FRAS1: variants seen among roughly 807,000 people sequenced by gnomAD.
The protein encoded by FRAS1 is extracellular matrix organizing protein FRAS1.
In FRAS1, 290 loss-of-function variants were observed where a neutral mutation model predicts 435.2. That is an observed-to-expected ratio of 0.67 (90% CI 0.61 to 0.73). The LOEUF (loss-of-function observed/expected upper bound fraction) is 0.73, where lower values mean the gene tolerates loss of function less well. FRAS1 is among the 30% of genes least tolerant of loss of function. FRAS1 has a pLI of 0.00. For missense variants in FRAS1, 4,860 were observed against 5,001.5 expected (o/e 0.97, Z 0.85); for synonymous variants, 1,800 against 1,851.0 (o/e 0.97, Z 0.71).
intron 29 of FRAS1, among the ~76,000 whole-genome samples, chr4:78,388,727 T>C (rs910268721): frequency 2.6e-5 from 4 of 151,902 alleles, no homozygotes; most frequent in African/African-American, 9.7e-5. Context: ...AGGATCACTT[T>C]AACCCAGAAG....
At chr4:78,465,758 T>C (rs1374879684) in intron 49 of FRAS1, among the ~76,000 whole-genome samples, 1 of 152,214 alleles carries the variant, frequency 6.6e-6, no homozygotes, top group Non-Finnish European at 1.5e-5. Context: ...TTGGAAAGCC[T>C]TGGGAAGGAT....
At chr4:78,275,237 C>T (rs917125253) in intron 9 of FRAS1, among the ~76,000 whole-genome samples, 29 of 152,304 alleles carry the variant, frequency 1.9e-4, no homozygotes, top group South Asian at 1.7e-3. Context: ...CTCCTGAATA[C>T]AGCACACTGA....
chr4:78,218,787 G>C (rs572872367), intron 2 of FRAS1, among the ~76,000 whole-genome samples: 1 of 152,310 alleles, frequency 6.6e-6, no homozygotes, highest in East Asian at 1.9e-4. Context: ...ATTTGTTTGG[G>C]AGATTAGTGA....
Position 78,252,567 on chromosome 4 carries a change from T to C in FRAS1, c.469+16T>C, listed in dbSNP as rs1560604950. The C allele has an allele frequency of 6.2e-7, 1 of 1,606,852 alleles. No individual in the cohort carries two copies. The highest frequency in any genetic ancestry group is 8.5e-7 in the Non-Finnish European group (1 of 1,176,904). On this transcript the variant is annotated intron_variant, in intron 5 of 73. Coordinates refer to ENST00000512123, the MANE Select transcript of FRAS1 (RefSeq NM_025074.7). The stretch of plus-strand genomic sequence containing the variant: ...GGCCTTGGGAGTGAGTATGAGCTTG[T>C]AGAAGGGGACCCTCTTTGCTTGGGA...
intron 9 of FRAS1, among the ~76,000 whole-genome samples, chr4:78,276,701 C>T (rs554162304): frequency 7.2e-5 from 11 of 152,314 alleles, no homozygotes; most frequent in African/African-American, 9.6e-5. Flanking sequence ...GGCACCCGGC[C>T]GTGTGAGGTG....
chr4:78,475,705 C>T (rs1244517390), intron 54 of FRAS1, 99 bp downstream of exon 54: 1 of 1,120,948 alleles, frequency 8.9e-7, no homozygotes, highest in Non-Finnish European at 1.2e-6. Flanking sequence ...CTTTGCTTTT[C>T]ACTGGTGTCC....
At chr4:78,304,608 C>T (rs1041220518) in intron 14 of FRAS1, among the ~76,000 whole-genome samples, 2 of 151,598 alleles carry the variant, frequency 1.3e-5, no homozygotes, top group African/African-American at 2.4e-5. Context: ...GTGTATGTGT[C>T]GAGGAATTTA....
intron 18 of FRAS1, chr4:78,319,522 T>C: frequency 2.4e-6 from 1 of 416,734 alleles, no homozygotes; most frequent in East Asian, 7.2e-5. Context: ...ATAGTTTCCT[T>C]TCTGTTCCCA....
chr4:78,262,505 T>G (rs914508302), intron 6 of FRAS1, among the ~76,000 whole-genome samples: 4 of 152,144 alleles, frequency 2.6e-5, no homozygotes, highest in African/African-American at 9.7e-5. Flanking sequence ...TTATTTTTAT[T>G]TAGGCTTGCA....
chr4:78,340,266 A>G (rs1004274538), intron 20 of FRAS1, among the ~76,000 whole-genome samples: 2 of 152,198 alleles, frequency 1.3e-5, no homozygotes, highest in Admixed American at 1.3e-4. Context: ...CCTGGGAATT[A>G]GGTGTATTAA....
chr4:78,286,201 G>A, intron 13 of FRAS1: 1 of 694,182 alleles, frequency 1.4e-6, no homozygotes, highest in Admixed American at 2.0e-5. Flanking sequence ...AGAATTAAAT[G>A]AATTCATATA....
intron 40 of FRAS1, among the ~76,000 whole-genome samples, chr4:78,440,017 CTTTTTTT>C (rs1163344254): frequency 4.3e-5 from 4 of 93,024 alleles, no homozygotes; most frequent in East Asian, 6.4e-4. Flanking sequence ...TAAGTCATTT[CTTTTTTT>C]TTTTTTTTTT....
chr4:78,206,555 ATAT>A (rs1214407359), intron 2 of FRAS1, among the ~76,000 whole-genome samples: 2 of 152,202 alleles, frequency 1.3e-5, no homozygotes, highest in African/African-American at 4.8e-5. Flanking sequence ...TGTTTTTATA[ATAT>A]TGTTGTTATA....
intron 4 of FRAS1, among the ~76,000 whole-genome samples, chr4:78,245,687 C>A (rs554472470): frequency 6.6e-6 from 1 of 152,174 alleles, no homozygotes; most frequent in Admixed American, 6.5e-5. Flanking sequence ...ATGTTAAATA[C>A]GAAAAAATTT....
chr4:78,388,142 G>A (rs1020372133), intron 29 of FRAS1, among the ~76,000 whole-genome samples: 11 of 152,046 alleles, frequency 7.2e-5, no homozygotes, highest in Non-Finnish European at 1.2e-4. Flanking sequence ...TGGCTAACAC[G>A]GTGAAACCCC....
At chr4:78,220,028 C>G (rs1723983793) in intron 2 of FRAS1, among the ~76,000 whole-genome samples, 1 of 152,124 alleles carries the variant, frequency 6.6e-6, no homozygotes, top group African/African-American at 2.4e-5. Flanking sequence ...TCAGCAGGCT[C>G]AAGAGTCAGA....
At chr4:78,124,023 C>T (rs923566264) in intron 2 of FRAS1, among the ~76,000 whole-genome samples, 5 of 150,786 alleles carry the variant, frequency 3.3e-5, no homozygotes, top group African/African-American at 4.8e-5. Flanking sequence ...GTTGGATAGG[C>T]GTGAGACAGG....
intron 14 of FRAS1, among the ~76,000 whole-genome samples, chr4:78,289,733 C>G (rs1419498094): frequency 3.9e-5 from 6 of 152,156 alleles, no homozygotes; most frequent in African/African-American, 7.2e-5. Flanking sequence ...TTGCCCTGCT[C>G]TCACCCATTT....
intron 2 of FRAS1, among the ~76,000 whole-genome samples, chr4:78,227,206 G>A (rs1724312377): frequency 1.3e-5 from 2 of 152,130 alleles, no homozygotes; most frequent in African/African-American, 4.8e-5. Context: ...GGGTTTATGT[G>A]TAAAATAGAG....
Sources: gnomAD v4.1 joint callset for allele counts (sites outside exome capture counted in the v4.1 genomes callset) on GRCh38, gnomAD v4.1.1 for gene constraint, MANE v1.5 for transcripts, NCBI Gene and HGNC (gene_info 2026-07-23, HGNC 2026-07-21) for gene names.